Variants in CSMD1 observed in about 807,000 individuals in gnomAD.
CSMD1 encodes the protein CUB and Sushi multiple domains 1.
In CSMD1, 213 loss-of-function variants were observed where a neutral mutation model predicts 417.5. The ratio of observed to expected loss-of-function variants is 0.51; its 90% confidence interval spans 0.46 to 0.57. The LOEUF (loss-of-function observed/expected upper bound fraction) is 0.57, where lower values mean the gene tolerates loss of function less well. Among genes scored for constraint, CSMD1 ranks in the 20% least tolerant of loss-of-function variants. CSMD1 has a pLI of 0.00. For missense variants in CSMD1, 6,923 were observed against 4,529.7 expected (o/e 1.53, Z -15.17); for synonymous variants, 2,862 against 1,736.8 (o/e 1.65, Z -16.11).
chr8:3,708,215 G>C (rs183819015), intron 7 of CSMD1, among the ~76,000 whole-genome samples, 199 bp downstream of exon 7: 1 of 152,264 alleles, frequency 6.6e-6, no homozygotes, highest in East Asian at 1.9e-4. Context: ...ATGGTTAGGA[G>C]TTAGAACCAC....
chr8:4,306,469 G>T (rs963051338), intron 3 of CSMD1, among the ~76,000 whole-genome samples: 5 of 152,168 alleles, frequency 3.3e-5, no homozygotes, highest in African/African-American at 1.2e-4. Context: ...TCCATATTGT[G>T]AATGCCTCAG....
intron 5 of CSMD1, among the ~76,000 whole-genome samples, chr8:3,997,067 C>G (rs186168276): frequency 6.6e-6 from 1 of 152,122 alleles, no homozygotes; most frequent in Non-Finnish European, 1.5e-5. Flanking sequence ...TTCAACATAC[C>G]CATTCTTGTT....
In CSMD1 at chr8:3,359,284, C is replaced by G; in HGVS notation, c.3172G>C (p.Gly1058Arg). The G allele has an allele frequency of 6.2e-7, 1 of 1,613,832 alleles. No homozygotes were observed. Among genetic ancestry groups the G allele is most frequent in the Non-Finnish European group, 8.5e-7 (1 of 1,179,834 alleles). ...PGVPAFSRRI[G>R]FHFGVGDSLT... Reference sequence around the variant, plus strand: ...GAGTCTCCCACACCAAAGTGAAAACCAATTCTTCGGCTGAAGGCAGGGACT... The same window carrying G: ...GAGTCTCCCACACCAAAGTGAAAACGAATTCTTCGGCTGAAGGCAGGGACT... Residue 1058 changes from glycine (G) to arginine (R), a missense_variant, in exon 21 of 70, where the codon GGT (glycine) becomes CGT (arginine). Coordinates refer to ENST00000635120, the MANE Select transcript of CSMD1 (RefSeq NM_033225.6).
chr8:3,365,674 T>A (rs1253224819), intron 20 of CSMD1, among the ~76,000 whole-genome samples: 1 of 152,222 alleles, frequency 6.6e-6, no homozygotes, highest in African/African-American at 2.4e-5. Context: ...AGTTTATTTA[T>A]GTGTTAATTG....
intron 1 of CSMD1, among the ~76,000 whole-genome samples, chr8:4,832,494 C>T (rs760732505): frequency 4.6e-5 from 7 of 152,120 alleles, no homozygotes; most frequent in Non-Finnish European, 7.4e-5. Flanking sequence ...AGTAAGGGGA[C>T]TTCTCTAGGC....
chr8:4,174,080 A>G (rs1276516770), intron 3 of CSMD1, among the ~76,000 whole-genome samples: 7 of 152,150 alleles, frequency 4.6e-5, no homozygotes, highest in African/African-American at 1.4e-4. Context: ...TTATGATCCA[A>G]TCAACATCAG....
At chr8:4,038,114 C>T (rs1198922789) in intron 3 of CSMD1, among the ~76,000 whole-genome samples, 2 of 151,882 alleles carry the variant, frequency 1.3e-5, no homozygotes, top group African/African-American at 4.8e-5. Context: ...ATTAGATCTA[C>T]CATTTAAGGT....
chr8:3,274,041 T>C (rs1026121294), intron 26 of CSMD1, among the ~76,000 whole-genome samples: 6 of 151,898 alleles, frequency 4.0e-5, no homozygotes, highest in African/African-American at 1.5e-4. Context: ...TTTGGATCTT[T>C]CCTGCTTTCT....
intron 6 of CSMD1, among the ~76,000 whole-genome samples, chr8:3,751,758 AC>A (rs146571570): frequency 0.016 from 2,377 of 152,198 alleles, 27 homozygotes; most frequent in South Asian, 0.028. Context: ...TCCATTTTTA[AC>A]CTTTCTTTCA....
At chr8:4,013,309 T>G (rs996208433) in intron 4 of CSMD1, among the ~76,000 whole-genome samples, 4 of 152,086 alleles carry the variant, frequency 2.6e-5, no homozygotes, top group South Asian at 2.1e-4. Context: ...GCTCTATTCT[T>G]CGTTCACTCA....
At chr8:3,991,265 G>A (rs766296197) in intron 5 of CSMD1, among the ~76,000 whole-genome samples, 1 of 152,198 alleles carries the variant, frequency 6.6e-6, no homozygotes, top group Admixed American at 6.5e-5. Context: ...GAATTAGCTG[G>A]TATTGAAAGA....
chr8:4,509,848 C>T (rs557210430), intron 2 of CSMD1, among the ~76,000 whole-genome samples: 3 of 152,296 alleles, frequency 2.0e-5, no homozygotes, highest in Non-Finnish European at 2.9e-5. Context: ...CCAAGATTCA[C>T]AGCTGGTGCT....
chr8:3,471,344 G>C (rs1585213289), intron 11 of CSMD1, among the ~76,000 whole-genome samples: 1 of 152,100 alleles, frequency 6.6e-6, no homozygotes, highest in South Asian at 2.1e-4. Flanking sequence ...TTGTAGTACA[G>C]ATACCAGTCC....
chr8:4,470,128 C>A (rs1189388436), intron 2 of CSMD1, among the ~76,000 whole-genome samples: 1 of 152,048 alleles, frequency 6.6e-6, no homozygotes, highest in Non-Finnish European at 1.5e-5. Context: ...CCTCGGCCTC[C>A]CAAAGGGCTG....
chr8:4,445,890 A>G (rs1259096390), intron 2 of CSMD1, among the ~76,000 whole-genome samples: 2 of 152,322 alleles, frequency 1.3e-5, no homozygotes, highest in African/African-American at 4.8e-5. Context: ...ACAAGAGGAG[A>G]GAGCACGGAT....
At chr8:4,788,082 T>C (rs1797505641) in intron 1 of CSMD1, 1 of 1,601,526 alleles carries the variant, frequency 6.2e-7, no homozygotes, top group Non-Finnish European at 8.5e-7. Flanking sequence ...GAAAGTAGAG[T>C]TGCTTTTGAA....
intron 8 of CSMD1, among the ~76,000 whole-genome samples, chr8:3,593,882 C>T (rs1476732388): frequency 6.6e-6 from 1 of 152,140 alleles, no homozygotes; most frequent in Non-Finnish European, 1.5e-5. Flanking sequence ...CTCCATCTTA[C>T]TTGATTTTCA....
At chr8:3,493,907 T>C (rs749179445) in intron 10 of CSMD1, among the ~76,000 whole-genome samples, 181 bp from the exon 11 acceptor site, 51 of 152,350 alleles carry the variant, frequency 3.3e-4, no homozygotes, top group Admixed American at 9.1e-4. Flanking sequence ...CCTGGCATTA[T>C]AGAATTTTAT....
intron 1 of CSMD1, among the ~76,000 whole-genome samples, chr8:4,645,163 A>T (rs987441692): frequency 1.3e-5 from 2 of 152,106 alleles, no homozygotes; most frequent in Non-Finnish European, 2.9e-5. Context: ...TTTCTCCTAC[A>T]TGCTGTTCCT....
Sources: allele counts gnomAD v4.1 joint callset (sites outside exome capture counted in the v4.1 genomes callset), GRCh38; gene constraint gnomAD v4.1.1; transcripts MANE v1.5; gene names NCBI Gene and HGNC (gene_info 2026-07-23, HGNC 2026-07-21).